TIAM2: variants seen among roughly 807,000 people sequenced by gnomAD.
The protein encoded by TIAM2 is TIAM Rac1 associated GEF 2, also known as rho guanine nucleotide exchange factor TIAM2.
TIAM2 carries 80 observed loss-of-function variants against 152.9 expected under a neutral mutation model. The observed-to-expected ratio is 0.52, with a 90% confidence interval of 0.44 to 0.63. The LOEUF is 0.63. Ranked by LOEUF, TIAM2 falls within the 30% of genes least tolerant of loss-of-function variation. The pLI, the probability that TIAM2 is intolerant of heterozygous loss-of-function variation, is 0.00. For synonymous variants in TIAM2, 804 were observed against 838.0 expected (o/e 0.96, Z 0.70); for missense variants, 1,965 against 2,120.1 (o/e 0.93, Z 1.44).
intron 9 of TIAM2, among the ~76,000 whole-genome samples, chr6:155,170,556 G>A (rs1309640426): frequency 1.3e-5 from 2 of 152,152 alleles, no homozygotes; most frequent in African/African-American, 2.4e-5. Context: ...AGCCAAGATC[G>A]CACCACTGCA....
Position 155,257,123 on chromosome 6 carries a change from A to ATGAT in TIAM2, c.*4_*7dup. On this transcript the variant is annotated 3_prime_UTR_variant, in exon 27 of 27. Coordinates refer to ENST00000682666, the MANE Select transcript of TIAM2 (RefSeq NM_012454.4). The stretch of plus-strand genomic sequence containing the variant: ...ACAGAGAGCCACGGAAAATCATAGT[A>ATGAT]TGATTCAATCCAGATATGGGTTAAA... 6.4e-7 allele frequency: 1 copy of ATGAT among 1,570,066 alleles called. No individual in the cohort carries two copies. Among genetic ancestry groups the ATGAT allele is most frequent in the Non-Finnish European group, 8.7e-7 (1 of 1,152,066 alleles).
At chr6:155,014,205 T>C (rs1778535893) in intron 1 of TIAM2, among the ~76,000 whole-genome samples, 1 of 152,218 alleles carries the variant, frequency 6.6e-6, no homozygotes, top group Admixed American at 6.5e-5. Flanking sequence ...TATATTTTTC[T>C]TTGTCTATTC....
At chr6:155,085,794 G>A (rs1309621150) in intron 1 of TIAM2, among the ~76,000 whole-genome samples, 1 of 152,246 alleles carries the variant, frequency 6.6e-6, no homozygotes, top group African/African-American at 2.4e-5. Context: ...GCTGATAAAA[G>A]CATGAGCCAT....
intron 15 of TIAM2, among the ~76,000 whole-genome samples, chr6:155,238,136 A>G (rs1003379479): frequency 2.0e-5 from 3 of 152,180 alleles, no homozygotes; most frequent in Non-Finnish European, 4.4e-5. Context: ...GATACCTTAA[A>G]TCATCTCTCA....
intron 15 of TIAM2, 41 bp from the exon 16 acceptor site, chr6:155,240,489 A>ACT: frequency 6.4e-7 from 1 of 1,565,764 alleles, no homozygotes; most frequent in Non-Finnish European, 8.7e-7. Flanking sequence ...ACTATCAGGG[A>ACT]GAGGCCCGTG....
At chr6:155,055,050 G>T (rs778579080) in intron 1 of TIAM2, among the ~76,000 whole-genome samples, 2 of 152,192 alleles carry the variant, frequency 1.3e-5, no homozygotes, top group Non-Finnish European at 2.9e-5. Flanking sequence ...ATTTTTGGCT[G>T]TGGAACTGCG....
At chr6:155,046,331 C>CT (rs1164422319) in intron 1 of TIAM2, among the ~76,000 whole-genome samples, 9,528 of 80,666 alleles carry the variant, frequency 0.12, 1,043 homozygotes, top group East Asian at 0.27. Context: ...TTGGCTCTGT[C>CT]TTTTTTTTTT....
At chr6:154,999,448 C>T (rs1292721525) in intron 1 of TIAM2, among the ~76,000 whole-genome samples, 1 of 152,140 alleles carries the variant, frequency 6.6e-6, no homozygotes, top group East Asian at 1.9e-4. Flanking sequence ...CTCAGGTGAT[C>T]CACCTGCCTC....
In TIAM2 at chr6:155,248,241, G is replaced by A. The variant is rs139875850; in HGVS notation, c.3832+62G>A. On this transcript the variant is annotated intron_variant, in intron 20 of 26. Transcript: ENST00000682666. ...ACAGGGCGGCGAGGGGCTGCCAGCC[G>A]TGCCCTGGGCCTGACAGCTCACCTC... The A allele has an allele frequency of 5.7e-4, 873 of 1,544,942 alleles. 5 individuals are homozygous for A. In the African/African-American group the frequency reaches 0.01, roughly 18 times the overall value.
chr6:155,222,087 G>C (rs145088411), intron 15 of TIAM2, among the ~76,000 whole-genome samples: 1 of 151,770 alleles, frequency 6.6e-6, no homozygotes. Flanking sequence ...CTCAGTACCT[G>C]GGACCACAGG....
intron 1 of TIAM2, among the ~76,000 whole-genome samples, chr6:155,033,175 C>T (rs1776856711): frequency 6.6e-6 from 1 of 152,214 alleles, no homozygotes; most frequent in African/African-American, 2.4e-5. Context: ...GTATTCACTG[C>T]AGCCATGACG....
chr6:155,029,430 AG>A lies in TIAM2; in HGVS notation c.-209+33939del, dbSNP rs1562295086. Reference sequence around the variant, plus strand: ...ATATAATATATACTATATATACTATAGTATATATTATACTATAGTATATATT... The same window carrying A: ...ATATAATATATACTATATATACTATATATATATTATACTATAGTATATATT... On this transcript the variant is annotated intron_variant, in intron 1 of 26. Transcript: ENST00000682666. 5.1e-3 allele frequency among the ~76,000 whole-genome samples: 54 copies of A among 10,514 alleles called. 4 individuals are homozygous for A. Among genetic ancestry groups the A allele is most frequent in the Admixed American group, 0.015 (8 of 534 alleles). The allele number at this position is 10,514 out of a possible 152,430, so 6.9% of individuals were successfully genotyped here.
In TIAM2 at chr6:155,186,413, C is replaced by T. The variant is rs1350561894; in HGVS notation, c.3064+2913C>T. ...TCACACCTCCCATGGGCTTCCTGCC[C>T]TTCTTGCCTCACTGTCCCTACCCCT... On this transcript the variant is annotated intron_variant, in intron 14 of 26. Transcript: ENST00000682666. This position sits in a 1 kb window ranked among gnomAD's most constrained non-coding sequence, Gnocchi z 4.5. Among the ~76,000 whole-genome samples the T allele has an allele frequency of 1.3e-5, 2 of 152,162 alleles. No individual in the cohort carries two copies. Among genetic ancestry groups the T allele is most frequent in the African/African-American group, 2.4e-5 (1 of 41,442 alleles).
chr6:155,242,657 T>C (rs893357429), intron 16 of TIAM2, among the ~76,000 whole-genome samples: 5 of 152,224 alleles, frequency 3.3e-5, no homozygotes, highest in Non-Finnish European at 7.3e-5. Flanking sequence ...GCTTCTAGTA[T>C]TTTAGGACTC....
chr6:155,123,616 C>G (rs1779224091), intron 2 of TIAM2, among the ~76,000 whole-genome samples: 1 of 152,226 alleles, frequency 6.6e-6, no homozygotes, highest in African/African-American at 2.4e-5. Context: ...GGGGCAGAAA[C>G]TTCCACCTGG....
In TIAM2 at chr6:155,144,777, A is replaced by G. The variant is rs766296342; in HGVS notation, c.1802A>G (p.Gln601Arg). 1 of 1,607,732 alleles carries G rather than the reference A, an allele frequency of 6.2e-7. No homozygotes were observed. Among genetic ancestry groups the G allele is most frequent in the Non-Finnish European group, 8.5e-7 (1 of 1,177,882 alleles). ...TCCTTTGGAGATGTCTACCTTTTCC[A>G]GGTACTGCTGGTACTTTGTAAGTGG... is the stretch of plus-strand genomic sequence containing the variant. Reference protein sequence around the residue: ...SNSFGDVYLFQATSQTDLENW... With the variant: ...SNSFGDVYLFRATSQTDLENW... The change falls in exon 6 of 27, where the codon CAG becomes CGG. Residue 601 changes from glutamine to arginine, a missense_variant and splice_region_variant. Gln to Arg is a conservative substitution (Grantham distance 43, BLOSUM62 1). This residue lies in a region of TIAM2 where 1,025 missense variants were observed against 1,119.4 expected (regional missense o/e 0.92). Coordinates refer to ENST00000682666, the MANE Select transcript of TIAM2 (RefSeq NM_012454.4).
At chr6:155,135,244 TTG>T (rs1199247466) in intron 4 of TIAM2, among the ~76,000 whole-genome samples, 1 of 152,158 alleles carries the variant, frequency 6.6e-6, no homozygotes, top group Non-Finnish European at 1.5e-5. Flanking sequence ...TACTCTCCAG[TTG>T]TGTGATTATT....
chr6:155,096,993 C>G lies in TIAM2; in HGVS notation c.-118+6614C>G, dbSNP rs947859479. Among the ~76,000 whole-genome samples, 9 of 152,194 alleles carry G rather than the reference C, an allele frequency of 5.9e-5. No homozygotes were observed. In the South Asian group the frequency reaches 8.3e-4, roughly 14 times the overall value. ...AGAGTGTACAAGGGTTTCCCTTTCT[C>G]TACATCCTCTCTAGCATCTGTCATT... On this transcript the variant is annotated intron_variant, in intron 2 of 26. Transcript: ENST00000682666.
intron 1 of TIAM2, among the ~76,000 whole-genome samples, chr6:155,023,798 G>T (rs1053882479): frequency 1.3e-5 from 2 of 152,126 alleles, no homozygotes; most frequent in African/African-American, 4.8e-5. Flanking sequence ...TAAATTGTGC[G>T]CTCCGTAAAC....
Sources: allele counts gnomAD v4.1 joint callset (sites outside exome capture counted in the v4.1 genomes callset), GRCh38; gene constraint gnomAD v4.1.1; regional missense constraint gnomAD v4.1.1; non-coding constraint Gnocchi (gnomAD v3.1); transcripts MANE v1.5; gene names NCBI Gene and HGNC (gene_info 2026-07-23, HGNC 2026-07-21).